SLAIN1: variants seen among roughly 807,000 people sequenced by gnomAD.
SLAIN1 encodes the protein SLAIN motif-containing protein 1.
Under a neutral mutation model 55.4 loss-of-function variants are expected in SLAIN1, and 17 were observed. That is an observed-to-expected ratio of 0.31 (90% CI 0.21 to 0.46). The LOEUF is 0.46. Among genes scored for constraint, SLAIN1 ranks in the 20% least tolerant of loss-of-function variants. The pLI is 1.00. For missense variants in SLAIN1, 682 were observed against 785.1 expected (o/e 0.87, Z 1.57); for synonymous variants, 348 against 337.4 (o/e 1.03, Z -0.35).
chr13:77,728,960 T>C (rs2091332485), intron 2 of SLAIN1, among the ~76,000 whole-genome samples: 1 of 152,208 alleles, frequency 6.6e-6, no homozygotes. Context: ...CAATCTGGAA[T>C]CATATTGGAA....
rs576909789 is a variant in SLAIN1 at position 77,755,918 on chromosome 13, A to G, written c.1414+2560A>G. 5.0e-4 allele frequency among the ~76,000 whole-genome samples: 76 copies of G among 152,234 alleles called. 1 individual carries two copies. Among genetic ancestry groups the G allele is most frequent in the Non-Finnish European group, 2.1e-4 (14 of 68,002 alleles). On this transcript the variant is annotated intron_variant, in intron 5 of 6. Coordinates refer to ENST00000418532, the MANE Select transcript of SLAIN1 (RefSeq NM_001242868.2). ...CATTCTAAGCCACTGTTCTTTATGC[A>G]TTCTAAGTTCCTATCATGACAATTT...
At position 77,753,320 on chromosome 13, in the gene SLAIN1, A is replaced by C. The variant is rs148135081; in HGVS notation, c.1376A>C (p.His459Pro). The stretch of plus-strand genomic sequence containing the variant: ...AGTCAGAGTTTTGACTCAAGCTTGC[A>C]TGGAGCTGGAAATGGAATTTCAAGA... ...RNSQSFDSSL[H>P]GAGNGISRIQ... is the part of the protein sequence containing the mutation. Residue 459 changes from histidine to proline, a missense_variant, in exon 5 of 7, where the codon CAT becomes CCT. Physicochemically the swap from His to Pro is moderately conservative, Grantham distance 77. Coordinates refer to ENST00000418532, the MANE Select transcript of SLAIN1 (RefSeq NM_001242868.2). 2.8e-4 allele frequency: 453 copies of C among 1,611,434 alleles called. No individual in the cohort carries two copies. The highest frequency in any genetic ancestry group is 1.8e-3 in the Middle Eastern group (11 of 6,050).
chr13:77,759,735 A>G (rs1874867935), intron 5 of SLAIN1, among the ~76,000 whole-genome samples: 1 of 152,168 alleles, frequency 6.6e-6, no homozygotes, highest in Non-Finnish European at 1.5e-5. Context: ...TATGTGATGT[A>G]CCACATTTAC....
intron 6 of SLAIN1, among the ~76,000 whole-genome samples, chr13:77,761,626 G>A (rs539487958): frequency 3.3e-5 from 5 of 152,134 alleles, no homozygotes; most frequent in Admixed American, 2.0e-4. Context: ...ATGTGCACAC[G>A]CACACCCTCC....
chr13:77,715,533 C>T (rs2091198053), intron 1 of SLAIN1, among the ~76,000 whole-genome samples: 1 of 148,172 alleles, frequency 6.7e-6, no homozygotes, highest in Non-Finnish European at 1.5e-5. Context: ...AAAGTGGTTT[C>T]ACCATTTTTC....
At chr13:77,718,236 G>A (rs908319616) in intron 1 of SLAIN1, among the ~76,000 whole-genome samples, 6 of 151,972 alleles carry the variant, frequency 3.9e-5, no homozygotes, top group African/African-American at 1.2e-4. Flanking sequence ...GGTAAGATAC[G>A]GTTTTATGTT....
chr13:77,700,863 A>G (rs1443992658), intron 1 of SLAIN1, among the ~76,000 whole-genome samples: 3 of 152,144 alleles, frequency 2.0e-5, no homozygotes, highest in Non-Finnish European at 4.4e-5. Context: ...AAAAAACTAA[A>G]ACATAGATGT....
At chr13:77,700,749 C>T in intron 1 of SLAIN1, among the ~76,000 whole-genome samples, 1 of 152,004 alleles carries the variant, frequency 6.6e-6, no homozygotes, top group East Asian at 1.9e-4. Flanking sequence ...TGCAGGATGG[C>T]AACTTATTTT....
intron 1 of SLAIN1, among the ~76,000 whole-genome samples, chr13:77,708,330 G>A (rs979104296): frequency 6.6e-6 from 1 of 152,184 alleles, no homozygotes; most frequent in African/African-American, 2.4e-5. Context: ...GTTGGAGGAA[G>A]CTTCCTAGCA....
rs1485890944 is a variant in SLAIN1, at chr13:77,753,283, A to C, written c.1339A>C (p.Thr447Pro). The C allele has an allele frequency of 3.7e-6, 6 of 1,613,094 alleles. No individual in the cohort carries two copies. The highest frequency in any genetic ancestry group is 5.1e-6 in the Non-Finnish European group (6 of 1,179,572). Reference protein sequence around the residue: ...AISSNISSPVTVRNSQSFDSS... With the variant: ...AISSNISSPVPVRNSQSFDSS... ...TAGTAGCAACATTAGTTCTCCGGTC[A>C]CCGTGCGAAATAGTCAGAGTTTTGA... The change falls in exon 5 of 7, where the codon ACC becomes CCC. Residue 447 changes from threonine to proline, a missense_variant. Physicochemically the swap from Thr to Pro is conservative, Grantham distance 38. Transcript: ENST00000418532.
intron 2 of SLAIN1, among the ~76,000 whole-genome samples, chr13:77,721,913 A>G (rs1419247593): frequency 6.7e-6 from 1 of 149,396 alleles, no homozygotes; most frequent in Non-Finnish European, 1.5e-5. Flanking sequence ...CCCCGGCATT[A>G]AGTCATTTGC....
chr13:77,698,773 C>A lies in SLAIN1; in HGVS notation c.626+234C>A. On this transcript the variant is annotated intron_variant, in intron 1 of 6. Coordinates refer to ENST00000418532, the MANE Select transcript of SLAIN1 (RefSeq NM_001242868.2). The surrounding 1 kb of genome is among the most constrained non-coding windows in gnomAD (Gnocchi z 4.1). ...ATCGCTCCGACTGCGGATGAACCGG[C>A]CCCCCCTTCCCCCCATCTGCCATGG... 2 of 1,157,890 alleles carry A rather than the reference C, an allele frequency of 1.7e-6. No homozygotes were observed. Among genetic ancestry groups the A allele is most frequent in the African/African-American group, 1.6e-5 (1 of 64,368 alleles). The allele number at this position is 1,157,890 out of a possible 1,614,324, so 71.7% of individuals were successfully genotyped here.
rs141295876 is a variant in SLAIN1, at chr13:77,740,281, A to T, written c.767-4002A>T. Reference sequence around the variant, plus strand: ...GTTGGTGGCTGGAAGTTTGTTGAAGAGCAGGTTGCAGTAATCTGGTGAGAG... The same window carrying T: ...GTTGGTGGCTGGAAGTTTGTTGAAGTGCAGGTTGCAGTAATCTGGTGAGAG... On this transcript the variant is annotated intron_variant, in intron 2 of 6. Transcript: ENST00000418532. 1.3e-4 allele frequency among the ~76,000 whole-genome samples: 20 copies of T among 152,146 alleles called. 1 individual carries two copies. In the East Asian group the frequency reaches 2.1e-3, roughly 16 times the overall value.
intron 1 of SLAIN1, among the ~76,000 whole-genome samples, chr13:77,716,394 A>G (rs1316240321): frequency 1.3e-5 from 2 of 151,446 alleles, no homozygotes; most frequent in East Asian, 1.9e-4. Flanking sequence ...TGAATTTTAG[A>G]TCATCTACAT....
At chr13:77,738,221 TACATATATACATATACATATATATAC>T (rs1171119395) in intron 2 of SLAIN1, among the ~76,000 whole-genome samples, 1 of 150,372 alleles carries the variant, frequency 6.7e-6, no homozygotes, top group Non-Finnish European at 1.5e-5. Context: ...CATATACACA[TACATATATACATATACATATATATAC>T]ACATATATAC....
chr13:77,740,349 A>G (rs1873356799), intron 2 of SLAIN1, among the ~76,000 whole-genome samples: 1 of 152,062 alleles, frequency 6.6e-6, no homozygotes. Flanking sequence ...TACAGAGATT[A>G]TGCAGAAAGA....
intron 2 of SLAIN1, among the ~76,000 whole-genome samples, chr13:77,740,012 AGAT>A (rs1421351557): frequency 5.9e-5 from 9 of 152,088 alleles, no homozygotes; most frequent in African/African-American, 2.2e-4. Flanking sequence ...ATTCAGTAGA[AGAT>A]GATTGTCAGA....
At chr13:77,758,950 T>C (rs1421796811) in intron 5 of SLAIN1, among the ~76,000 whole-genome samples, 1 of 151,976 alleles carries the variant, frequency 6.6e-6, no homozygotes, top group African/African-American at 2.4e-5. Flanking sequence ...TTGTTTGGAT[T>C]GTTTTTTCTA....
At chr13:77,743,624 C>T (rs1873606692) in intron 2 of SLAIN1, among the ~76,000 whole-genome samples, 1 of 151,720 alleles carries the variant, frequency 6.6e-6, no homozygotes, top group African/African-American at 2.4e-5. Context: ...GGTATGATTC[C>T]ATTCCTATAG....
Sources: gnomAD v4.1 joint callset for allele counts (sites outside exome capture counted in the v4.1 genomes callset) on GRCh38, gnomAD v4.1.1 for gene constraint, Gnocchi (gnomAD v3.1) non-coding constraint, MANE v1.5 for transcripts, NCBI Gene and HGNC (gene_info 2026-07-23, HGNC 2026-07-21) for gene names.